Variants in HDAC9 observed in about 807,000 individuals in gnomAD.
The protein encoded by HDAC9 is histone deacetylase 9.
HDAC9 carries 41 observed loss-of-function variants against 139.4 expected under a neutral mutation model. The observed-to-expected ratio is 0.29, with a 90% confidence interval of 0.23 to 0.38. The LOEUF is 0.38. Among genes scored for constraint, HDAC9 ranks in the 10% least tolerant of loss-of-function variants. The pLI is 1.00. For missense variants in HDAC9, 1,147 were observed against 1,297.0 expected, an observed-to-expected ratio of 0.88 and a Z score of 1.78; for synonymous variants, 517 against 476.2, an observed-to-expected ratio of 1.09 and a Z score of -1.12.
At chr7:18,832,741 T>TATA (rs67128110) in intron 19 of HDAC9, among the ~76,000 whole-genome samples, 25 of 145,628 alleles carry the variant, frequency 1.7e-4, no homozygotes, top group Non-Finnish European at 3.1e-4. Flanking sequence ...ATATATATAT[T>TATA]TTTTTTTTCT....
chr7:18,893,933 A>G (rs943364776), intron 22 of HDAC9, among the ~76,000 whole-genome samples: 10 of 152,200 alleles, frequency 6.6e-5, no homozygotes, highest in Admixed American at 5.9e-4. Context: ...CTGAGGCAGG[A>G]CCAAGCCCAC....
At chr7:18,213,960 C>T (rs6962054) in intron 2 of HDAC9, among the ~76,000 whole-genome samples, 1 of 151,942 alleles carries the variant, frequency 6.6e-6, no homozygotes, top group African/African-American at 2.4e-5. Context: ...TTTCCTTCCC[C>T]AGTTTAAGAG....
At chr7:18,141,563 C>G (rs1432641882) in intron 1 of HDAC9, among the ~76,000 whole-genome samples, 1 of 152,130 alleles carries the variant, frequency 6.6e-6, no homozygotes, top group Non-Finnish European at 1.5e-5. Context: ...ACTTGTATAG[C>G]TATTGACAGC....
intron 2 of HDAC9, among the ~76,000 whole-genome samples, chr7:18,180,249 A>G (rs1488828833): frequency 6.7e-6 from 1 of 150,232 alleles, no homozygotes. Context: ...ACACACACAC[A>G]CACACACACA....
intron 2 of HDAC9, among the ~76,000 whole-genome samples, chr7:18,520,435 A>G (rs931227089): frequency 3.3e-5 from 5 of 152,198 alleles, no homozygotes; most frequent in African/African-American, 9.7e-5. Context: ...CTGAATAATT[A>G]GAGGCAACTA....
At chr7:18,906,749 A>C (rs1013874941) in intron 22 of HDAC9, among the ~76,000 whole-genome samples, 2 of 152,218 alleles carry the variant, frequency 1.3e-5, no homozygotes, top group African/African-American at 4.8e-5. Flanking sequence ...CTTGTTTAAA[A>C]TGCAGATTCC....
intron 1 of HDAC9, among the ~76,000 whole-genome samples, chr7:18,300,272 G>A (rs554894004): frequency 2.0e-5 from 3 of 151,438 alleles, no homozygotes; most frequent in East Asian, 1.9e-4. Context: ...CTTCCAGTCC[G>A]TGGCCCAGAG....
intron 6 of HDAC9, among the ~76,000 whole-genome samples, chr7:18,597,393 G>A (rs773368158): frequency 1.8e-4 from 28 of 152,100 alleles, no homozygotes; most frequent in Non-Finnish European, 3.5e-4. Context: ...AGGTTGATAG[G>A]AAAATTTGGA....
At chr7:18,894,217 T>C (rs932895936) in intron 22 of HDAC9, among the ~76,000 whole-genome samples, 10 of 152,090 alleles carry the variant, frequency 6.6e-5, no homozygotes, top group African/African-American at 2.4e-4. Context: ...AATTTAGTTG[T>C]TATCAGCATA....
At chr7:18,675,437 A>G (rs1781439802) in intron 12 of HDAC9, among the ~76,000 whole-genome samples, 1 of 152,088 alleles carries the variant, frequency 6.6e-6, no homozygotes. Context: ...AGGAATTGTC[A>G]GCTTTAAATG....
chr7:18,955,188 C>T (rs1229497188), intron 24 of HDAC9, among the ~76,000 whole-genome samples: 29 of 152,058 alleles, frequency 1.9e-4, no homozygotes, highest in Admixed American at 1.9e-3. Context: ...GTGCACTATT[C>T]AAGTCTCTGA....
In HDAC9 at chr7:18,496,038, A is replaced by G. The variant is rs1796845605; in HGVS notation, c.-42+15A>G. 6 of 1,431,930 alleles carry G rather than the reference A, an allele frequency of 4.2e-6. No homozygotes were observed. The allele number at this position is 1,431,930 out of a possible 1,614,324, so 88.7% of individuals were successfully genotyped here. ...TTTGCACACAGGTTGGTAACATGGG[A>G]AAAGTGTCCAGGTCTTTTTAAAAGT... On this transcript the variant is annotated intron_variant, in intron 1 of 25. Coordinates refer to ENST00000686413, the MANE Select transcript of HDAC9 (RefSeq NM_178425.4).
At chr7:18,134,086 A>G (rs1785225131) in intron 1 of HDAC9, among the ~76,000 whole-genome samples, 1 of 151,874 alleles carries the variant, frequency 6.6e-6, no homozygotes, top group African/African-American at 2.4e-5. Context: ...GGTCCATTAC[A>G]ACCATTGTGT....
chr7:18,321,356 G>T (rs1261860602), intron 1 of HDAC9, among the ~76,000 whole-genome samples: 11 of 152,026 alleles, frequency 7.2e-5, no homozygotes, highest in Non-Finnish European at 1.5e-4. Context: ...TGTTTCACAT[G>T]TGTTTTTAAT....
At chr7:18,913,800 G>A (rs991874577) in intron 22 of HDAC9, among the ~76,000 whole-genome samples, 1 of 151,966 alleles carries the variant, frequency 6.6e-6, no homozygotes, top group Non-Finnish European at 1.5e-5. Flanking sequence ...AAGCATCCAC[G>A]ATTCAATATA....
intron 25 of HDAC9, among the ~76,000 whole-genome samples, chr7:18,988,983 A>C (rs1172329107): frequency 1.1e-5 from 1 of 90,486 alleles, no homozygotes; most frequent in Non-Finnish European, 2.5e-5. Context: ...GGTTTCCTGA[A>C]TACGGCACAC....
chr7:18,561,783 T>C (rs1381824298), intron 2 of HDAC9, among the ~76,000 whole-genome samples: 1 of 152,240 alleles, frequency 6.6e-6, no homozygotes, highest in Non-Finnish European at 1.5e-5. Context: ...AGTACTTGTT[T>C]TTATTATTGC....
chr7:18,110,178 C>T (rs186110857), intron 1 of HDAC9, among the ~76,000 whole-genome samples: 3 of 152,308 alleles, frequency 2.0e-5, no homozygotes, highest in African/African-American at 4.8e-5. Context: ...CTCTGCAGAA[C>T]AAATGGTTTG....
In HDAC9 at chr7:18,935,937, A is replaced by G. The variant is rs781373373; in HGVS notation, c.2932A>G (p.Asn978Asp). The G allele has an allele frequency of 4.3e-6, 7 of 1,612,296 alleles. No homozygotes were observed. The Admixed American group carries it at 1.2e-4, about 27-fold the overall frequency. The change falls in exon 23 of 26, where the codon AAT (asparagine) becomes GAT (aspartate). Residue 978 changes from asparagine to aspartate, a missense_variant. Physicochemically the swap from Asn to Asp is conservative, Grantham distance 23. Transcript: ENST00000686413. ...SEACVNALLG[N>D]ELEPLAEDIL... The stretch of plus-strand genomic sequence containing the variant: ...AGCCTGTGTAAATGCCCTTCTAGGA[A>G]ATGAGGTAAAAAAGTAAAAGTACAA...
Sources: allele counts gnomAD v4.1 joint callset (sites outside exome capture counted in the v4.1 genomes callset), GRCh38; gene constraint gnomAD v4.1.1; transcripts MANE v1.5; gene names NCBI Gene and HGNC (gene_info 2026-07-23, HGNC 2026-07-21).